HCRTR2: variants seen among roughly 807,000 people sequenced by gnomAD.
HCRTR2 encodes orexin receptor type 2.
HCRTR2 carries 22 observed loss-of-function variants against 49.0 expected under a neutral mutation model. The observed-to-expected ratio is 0.45, with a 90% confidence interval of 0.32 to 0.64. HCRTR2 has a LOEUF of 0.64. Ranked by LOEUF, HCRTR2 falls within the 30% of genes least tolerant of loss-of-function variation. The pLI, the probability that HCRTR2 is intolerant of heterozygous loss-of-function variation, is 0.04. For missense variants in HCRTR2, 491 were observed against 559.4 expected, an observed-to-expected ratio of 0.88 and a Z score of 1.23; for synonymous variants, 236 against 205.3, an observed-to-expected ratio of 1.15 and a Z score of -1.28.
intron 1 of HCRTR2, among the ~76,000 whole-genome samples, chr6:55,178,335 A>G (rs1765075124): frequency 6.6e-6 from 1 of 152,128 alleles, no homozygotes; most frequent in Non-Finnish European, 1.5e-5. Flanking sequence ...GAAAATAGGA[A>G]AACATCAGTC....
intron 1 of HCRTR2, among the ~76,000 whole-genome samples, chr6:55,188,828 G>C (rs182832283): frequency 2.4e-4 from 37 of 152,282 alleles, no homozygotes; most frequent in Admixed American, 1.4e-3. Flanking sequence ...TAAGAGTTGG[G>C]TTTGACATGG....
intron 1 of HCRTR2, among the ~76,000 whole-genome samples, chr6:55,109,475 A>C (rs544704342): frequency 6.6e-6 from 1 of 152,236 alleles, no homozygotes; most frequent in South Asian, 2.1e-4. Context: ...TAAAAAAAAA[A>C]GTTATAGGAT....
intron 1 of HCRTR2, among the ~76,000 whole-genome samples, chr6:55,235,154 C>T (rs1441313167): frequency 7.2e-5 from 11 of 152,018 alleles, no homozygotes; most frequent in Non-Finnish European, 1.5e-4. Flanking sequence ...AATCAGTATA[C>T]GGATTTCCTT....
At chr6:55,278,114 A>G (rs951963448) in intron 5 of HCRTR2, among the ~76,000 whole-genome samples, 16 of 152,336 alleles carry the variant, frequency 1.1e-4, no homozygotes, top group African/African-American at 3.6e-4. Flanking sequence ...TCGAATGTCT[A>G]AACAGAAGAA....
intron 1 of HCRTR2, among the ~76,000 whole-genome samples, chr6:55,125,146 A>G (rs1054275503): frequency 7.2e-5 from 11 of 152,066 alleles, no homozygotes; most frequent in Non-Finnish European, 1.3e-4. Context: ...TGAATTTGAT[A>G]CTGTCATTAT....
At chr6:55,192,584 T>A (rs1765338630) in intron 1 of HCRTR2, among the ~76,000 whole-genome samples, 1 of 152,172 alleles carries the variant, frequency 6.6e-6, no homozygotes, top group African/African-American at 2.4e-5. Context: ...AAGAAAGTCA[T>A]TATCTTCAAC....
chr6:55,181,807 C>A (rs892171234), intron 1 of HCRTR2, among the ~76,000 whole-genome samples: 4 of 152,182 alleles, frequency 2.6e-5, no homozygotes, highest in Admixed American at 6.5e-5. Context: ...CTTCAGCTAT[C>A]CTGTCTTTGA....
chr6:55,138,517 G>A (rs1335849130), intron 1 of HCRTR2, among the ~76,000 whole-genome samples: 1 of 152,208 alleles, frequency 6.6e-6, no homozygotes, highest in Non-Finnish European at 1.5e-5. Context: ...GCTTGCCACG[G>A]TAGTCGTATT....
chr6:55,224,999 T>C (rs1765974720), intron 1 of HCRTR2, among the ~76,000 whole-genome samples: 1 of 152,184 alleles, frequency 6.6e-6, no homozygotes, highest in African/African-American at 2.4e-5. Flanking sequence ...AGAGTAGATT[T>C]TAAGTGTTTT....
chr6:55,224,520 G>A (rs1765959951), intron 1 of HCRTR2, among the ~76,000 whole-genome samples: 1 of 152,118 alleles, frequency 6.6e-6, no homozygotes, highest in Non-Finnish European at 1.5e-5. Context: ...CTACCCGGGA[G>A]GCTGAGGCAG....
chr6:55,194,572 T>C (rs1356686319), intron 1 of HCRTR2, among the ~76,000 whole-genome samples: 1 of 152,138 alleles, frequency 6.6e-6, no homozygotes, highest in African/African-American at 2.4e-5. Context: ...ATTATAGGTG[T>C]GATTTCTACT....
At chr6:55,207,476 C>G (rs1457523640) in intron 1 of HCRTR2, among the ~76,000 whole-genome samples, 1 of 151,986 alleles carries the variant, frequency 6.6e-6, no homozygotes, top group African/African-American at 2.4e-5. Context: ...TTATTTTAAG[C>G]CTCACCATTT....
At chr6:55,146,551 A>G (rs1764582661) in intron 1 of HCRTR2, among the ~76,000 whole-genome samples, 1 of 151,574 alleles carries the variant, frequency 6.6e-6, no homozygotes, top group South Asian at 2.1e-4. Context: ...TAATAAAATC[A>G]GAATATCAGA....
At chr6:55,266,503 A>C (rs889513749) in intron 4 of HCRTR2, among the ~76,000 whole-genome samples, 4 of 152,190 alleles carry the variant, frequency 2.6e-5, no homozygotes, top group African/African-American at 9.6e-5. Context: ...AAGGGGAAAA[A>C]GCAATTAATG....
At chr6:55,165,249 G>A (rs1482091646) in intron 1 of HCRTR2, among the ~76,000 whole-genome samples, 1 of 151,782 alleles carries the variant, frequency 6.6e-6, no homozygotes, top group East Asian at 1.9e-4. Context: ...GTGGGATAGG[G>A]GTAGAAAGTT....
At chr6:55,264,926 G>A (rs1215990774) in intron 4 of HCRTR2, among the ~76,000 whole-genome samples, 1 of 151,974 alleles carries the variant, frequency 6.6e-6, no homozygotes, top group African/African-American at 2.4e-5. Flanking sequence ...TGGTCTTTGA[G>A]GATGTGTCTT....
At chr6:55,110,809 A>T (rs1270496535) in intron 1 of HCRTR2, among the ~76,000 whole-genome samples, 1 of 151,602 alleles carries the variant, frequency 6.6e-6, no homozygotes, top group Non-Finnish European at 1.5e-5. Context: ...AAAGAACTAG[A>T]CAGGTCATAA....
At chr6:55,259,575 T>C (rs1008589658) in intron 3 of HCRTR2, among the ~76,000 whole-genome samples, 1 of 151,976 alleles carries the variant, frequency 6.6e-6, no homozygotes, top group African/African-American at 2.4e-5. Context: ...AATTAAGTTT[T>C]GCCTGTCAAA....
At chr6:55,208,949 A>T (rs1426068786) in intron 1 of HCRTR2, among the ~76,000 whole-genome samples, 1 of 152,216 alleles carries the variant, frequency 6.6e-6, no homozygotes, top group Non-Finnish European at 1.5e-5. Context: ...TTCAGAAAGG[A>T]GGTATGAAGT....
Sources: allele counts gnomAD v4.1 joint callset (sites outside exome capture counted in the v4.1 genomes callset), GRCh38; gene constraint gnomAD v4.1.1; transcripts MANE v1.5; gene names NCBI Gene and HGNC (gene_info 2026-07-23, HGNC 2026-07-21).